MARCHF10: variants seen among roughly 807,000 people sequenced by gnomAD.
The protein encoded by MARCHF10 is membrane associated ring-CH-type finger 10.
MARCHF10 carries 64 observed loss-of-function variants against 76.2 expected under a neutral mutation model. The observed-to-expected ratio is 0.84, with a 90% CI of 0.69 to 1.03. The LOEUF is 1.03. Among genes scored for constraint, MARCHF10 ranks in the 50% least tolerant of loss-of-function variants. The pLI, the probability that MARCHF10 is intolerant of heterozygous loss-of-function variation, is 0.00. For missense variants in MARCHF10, 875 were observed against 958.0 expected (o/e 0.91, Z 1.14); for synonymous variants, 340 against 357.5 (o/e 0.95, Z 0.55).
chr17:62,715,158 A>G (rs1317131492), intron 8 of MARCHF10, among the ~76,000 whole-genome samples: 3 of 152,178 alleles, frequency 2.0e-5, no homozygotes, highest in Non-Finnish European at 2.9e-5. Flanking sequence ...TGGTTTGGGG[A>G]CCACCCATTT....
chr17:62,704,961 T>TTAA, intron 10 of MARCHF10: 1 of 925,284 alleles, frequency 1.1e-6, no homozygotes, highest in Non-Finnish European at 1.3e-6. Flanking sequence ...TTTTTTTTTT[T>TTAA]AATGGAAAAA....
chr17:62,782,345 C>CTTTTTTTT (rs10676023), intron 3 of MARCHF10, among the ~76,000 whole-genome samples: 10 of 107,022 alleles, frequency 9.3e-5, no homozygotes, highest in African/African-American at 3.0e-4. Flanking sequence ...AACAACTGTT[C>CTTTTTTTT]TTTTTTTTTT....
chr17:62,744,639 G>A (rs2091638726), intron 4 of MARCHF10, 111 bp from the exon 5 acceptor site: 1 of 1,210,856 alleles, frequency 8.3e-7, no homozygotes, highest in Non-Finnish European at 1.1e-6. Context: ...TAGGTGGAAG[G>A]GCAGTCAAGA....
At chr17:62,758,009 A>T (rs2092095426) in intron 4 of MARCHF10, among the ~76,000 whole-genome samples, 1 of 152,132 alleles carries the variant, frequency 6.6e-6, no homozygotes, top group African/African-American at 2.4e-5. Context: ...CCTTTTAATG[A>T]TTTTTCTCCA....
intron 1 of MARCHF10, among the ~76,000 whole-genome samples, chr17:62,804,383 A>C (rs995614755): frequency 5.9e-5 from 9 of 152,332 alleles, no homozygotes; most frequent in Admixed American, 5.9e-4. Flanking sequence ...GAAAGAGGAC[A>C]CAGGGACAAA....
intron 8 of MARCHF10, among the ~76,000 whole-genome samples, chr17:62,713,008 G>A (rs1239654473): frequency 2.0e-5 from 3 of 152,172 alleles, no homozygotes; most frequent in Non-Finnish European, 2.9e-5. Flanking sequence ...GCCTCCCAAA[G>A]TGCTGGGATT....
chr17:62,800,605 C>T (rs563323283), intron 2 of MARCHF10, among the ~76,000 whole-genome samples: 41 of 152,236 alleles, frequency 2.7e-4, no homozygotes, highest in African/African-American at 8.9e-4. Flanking sequence ...TTTGAAATTG[C>T]TAAGAAGGGG....
At chr17:62,721,200 C>T (rs1044820994) in intron 8 of MARCHF10, among the ~76,000 whole-genome samples, 3 of 152,142 alleles carry the variant, frequency 2.0e-5, no homozygotes, top group African/African-American at 7.2e-5. Context: ...TCTGTGACTT[C>T]ACTTCTCTTA....
chr17:62,760,341 ATTGT>A (rs2092165408), intron 3 of MARCHF10, among the ~76,000 whole-genome samples: 1 of 152,198 alleles, frequency 6.6e-6, no homozygotes, highest in Admixed American at 6.5e-5. Flanking sequence ...TAAACTTCTT[ATTGT>A]TTGTTATTTG....
intron 3 of MARCHF10, among the ~76,000 whole-genome samples, chr17:62,779,089 T>G (rs2092607438): frequency 1.3e-5 from 2 of 152,200 alleles, no homozygotes; most frequent in Non-Finnish European, 2.9e-5. Flanking sequence ...AGATGCTGCG[T>G]GCAGAGCTGC....
At chr17:62,791,552 T>C (rs755107701) in intron 2 of MARCHF10, among the ~76,000 whole-genome samples, 9 of 152,176 alleles carry the variant, frequency 5.9e-5, no homozygotes, top group Non-Finnish European at 1.2e-4. Context: ...TTCCCTCTAG[T>C]TCCTTGTTCC....
At chr17:62,757,652 G>T (rs2092084369) in intron 4 of MARCHF10, among the ~76,000 whole-genome samples, 1 of 152,208 alleles carries the variant, frequency 6.6e-6, no homozygotes, top group Non-Finnish European at 1.5e-5. Context: ...CCATCACCAG[G>T]ACTGCTCTGC....
chr17:62,806,180 A>C (rs949685760), intron 1 of MARCHF10, among the ~76,000 whole-genome samples: 4 of 152,328 alleles, frequency 2.6e-5, no homozygotes, highest in Non-Finnish European at 4.4e-5. Context: ...TGAAGTTCAT[A>C]CTGCACTCAG....
intron 10 of MARCHF10, 177 bp downstream of exon 10, chr17:62,705,362 T>G: frequency 6.6e-7 from 1 of 1,519,118 alleles, no homozygotes; most frequent in East Asian, 2.4e-5. Context: ...TCCAGTGAAC[T>G]TGGCCTCGCC....
intron 2 of MARCHF10, among the ~76,000 whole-genome samples, chr17:62,790,431 C>T (rs1213837920): frequency 6.6e-6 from 1 of 152,208 alleles, no homozygotes; most frequent in Non-Finnish European, 1.5e-5. Flanking sequence ...CTGCCTCAGC[C>T]TCCCAAAGTG....
At chr17:62,767,000 G>T (rs982922465) in intron 3 of MARCHF10, among the ~76,000 whole-genome samples, 2 of 152,094 alleles carry the variant, frequency 1.3e-5, no homozygotes, top group African/African-American at 4.8e-5. Flanking sequence ...AGAATGGGTG[G>T]GGTCTGGCTA....
chr17:62,801,178 C>T (rs1171297569), intron 2 of MARCHF10, among the ~76,000 whole-genome samples: 6 of 152,132 alleles, frequency 3.9e-5, no homozygotes, highest in South Asian at 4.2e-4. Context: ...GTTTTTGAGA[C>T]GGAGGAGTCT....
At position 62,738,039 on chromosome 17, in the gene MARCHF10, G is replaced by A. The variant is rs1479375641; in HGVS notation, c.536-707C>T. The A allele has an allele frequency of 1.0e-5, 1 of 96,204 alleles. No individual in the cohort carries two copies. 6.0% of individuals were successfully genotyped at this position (96,204 alleles called of 1,614,324 possible). A position where few individuals can be genotyped will look rare whatever the true frequency, so the allele number is the denominator to read the frequency against. On this transcript the variant is annotated intron_variant, in intron 5 of 10. Coordinates refer to ENST00000311269, the MANE Select transcript of MARCHF10 (RefSeq NM_152598.4). The surrounding 1 kb of genome is among the most constrained non-coding windows in gnomAD (Gnocchi z 4.0). ...TGAACTGGCCAGAAGCATGCTAACT[G>A]TCTCTCTCTGTCTCTCTCTGTCACA...
rs1232180030 is a variant in MARCHF10 at position 62,712,194 on chromosome 17, TG to T, written c.2215-851del. ...TTTCAGTCCCCATCTTTCCCTTGAG[TG>T]GGGGTCTTGGGATGGGCCAGGCTGT... On this transcript the variant is annotated intron_variant, in intron 8 of 10. Coordinates refer to ENST00000311269, the MANE Select transcript of MARCHF10 (RefSeq NM_152598.4). The surrounding 1 kb of genome is among the most constrained non-coding windows in gnomAD (Gnocchi z 4.2). Among the ~76,000 whole-genome samples, 1 of 152,198 alleles carries T rather than the reference TG, an allele frequency of 6.6e-6. No individual in the cohort carries two copies. Among genetic ancestry groups the T allele is most frequent in the Non-Finnish European group, 1.5e-5 (1 of 68,024 alleles).
Sources: gnomAD v4.1 joint callset for allele counts (sites outside exome capture counted in the v4.1 genomes callset) on GRCh38, gnomAD v4.1.1 for gene constraint, Gnocchi (gnomAD v3.1) non-coding constraint, MANE v1.5 for transcripts, NCBI Gene and HGNC (gene_info 2026-07-23, HGNC 2026-07-21) for gene names.